ATP2B2: variants seen among roughly 807,000 people sequenced by gnomAD.
ATP2B2 encodes ATPase plasma membrane Ca2+ transporting 2.
A neutral mutation model predicts 120.0 loss-of-function variants in ATP2B2; 15 were observed. The observed-to-expected ratio is 0.12, with a 90% CI of 0.08 to 0.19. The LOEUF is 0.19. ATP2B2 is among the 10% of genes least tolerant of loss of function. The pLI is 1.00. For synonymous variants in ATP2B2, 694 were observed against 700.3 expected, an observed-to-expected ratio of 0.99 and a Z score of 0.14; for missense variants, 1,045 against 1,719.8, an observed-to-expected ratio of 0.61 and a Z score of 6.94.
chr3:10,346,986 C>A lies in ATP2B2; in HGVS notation c.2405-849G>T, dbSNP rs879532085. 6.6e-6 allele frequency among the ~76,000 whole-genome samples: 1 copy of A among 152,040 alleles called. No individual in the cohort carries two copies. The highest frequency in any genetic ancestry group is 1.5e-5 in the Non-Finnish European group (1 of 68,018). On this transcript the variant is annotated intron_variant, in intron 16 of 22. Coordinates refer to ENST00000360273, the MANE Select transcript of ATP2B2 (RefSeq NM_001001331.4). This position sits in a 1 kb window ranked among gnomAD's most constrained non-coding sequence, Gnocchi z 4.1. ...TGTTTCCTCTCACTGACTCTGGACT[C>A]CCCCTCCAACTTGCTTCCCCACAGC...
At chr3:10,479,506 C>T (rs1241362071) in intron 1 of ATP2B2, among the ~76,000 whole-genome samples, 2 of 152,006 alleles carry the variant, frequency 1.3e-5, no homozygotes. Flanking sequence ...GTATTTTAAA[C>T]ATGTTTGTGT....
Position 10,346,251 on chromosome 3 carries a change from TC to T in ATP2B2, c.2405-115del. On this transcript the variant is annotated intron_variant, in intron 16 of 22. Coordinates refer to ENST00000360273, the MANE Select transcript of ATP2B2 (RefSeq NM_001001331.4). This position sits in a 1 kb window ranked among gnomAD's most constrained non-coding sequence, Gnocchi z 4.1. ...GGCATGGCTTCCTCTCTGGTCCCTG[TC>T]CAGCCGCCCCCTCCATCCAGGCTCT... 1.0e-6 allele frequency: 1 copy of T among 984,940 alleles called. No homozygotes were observed. Among genetic ancestry groups the T allele is most frequent in the Non-Finnish European group, 1.6e-6 (1 of 641,506 alleles). 61.0% of individuals were successfully genotyped at this position (984,940 alleles called of 1,614,324 possible). A position where few individuals can be genotyped will look rare whatever the true frequency, so the allele number is the denominator to read the frequency against.
At chr3:10,492,371 CTCT>C (rs1304441742) in intron 1 of ATP2B2, among the ~76,000 whole-genome samples, 1 of 152,180 alleles carries the variant, frequency 6.6e-6, no homozygotes, top group Non-Finnish European at 1.5e-5. Context: ...TCATTAAGGG[CTCT>C]TTAAGCTGGA....
chr3:10,473,213 A>G (rs1476425778), intron 1 of ATP2B2, among the ~76,000 whole-genome samples: 5 of 152,286 alleles, frequency 3.3e-5, no homozygotes, highest in South Asian at 2.1e-4. Flanking sequence ...TCCTACTTCT[A>G]GGTCCCCTTC....
chr3:10,521,303 GC>G (rs1700681908), intron 3 of ATP2B2, among the ~76,000 whole-genome samples: 1 of 152,200 alleles, frequency 6.6e-6, no homozygotes, highest in South Asian at 2.1e-4. Flanking sequence ...CATCAGAGAA[GC>G]CCCCATAAAC....
At chr3:10,389,637 G>A (rs1352197599) in intron 5 of ATP2B2, among the ~76,000 whole-genome samples, 1 of 152,206 alleles carries the variant, frequency 6.6e-6, no homozygotes, top group Non-Finnish European at 1.5e-5. Flanking sequence ...TGGGTGCAGA[G>A]CTTCAGTTTG....
chr3:10,330,075 G>A (rs919167432), intron 22 of ATP2B2, among the ~76,000 whole-genome samples: 1 of 152,188 alleles, frequency 6.6e-6, no homozygotes, highest in African/African-American at 2.4e-5. Context: ...ACCAAAAAAC[G>A]AGGCTGGAAT....
intron 1 of ATP2B2, among the ~76,000 whole-genome samples, chr3:10,652,612 A>G (rs1167462278): frequency 1.3e-5 from 2 of 152,200 alleles, no homozygotes; most frequent in Admixed American, 1.3e-4. Context: ...CTGAGTATAT[A>G]CCAAAAAGAA....
At chr3:10,544,152 G>C (rs2067495738) in intron 2 of ATP2B2, among the ~76,000 whole-genome samples, 1 of 152,050 alleles carries the variant, frequency 6.6e-6, no homozygotes, top group Non-Finnish European at 1.5e-5. Context: ...CTGCCATCAT[G>C]GTCACTATCT....
intron 1 of ATP2B2, among the ~76,000 whole-genome samples, chr3:10,650,836 G>A (rs1437364317): frequency 6.6e-6 from 1 of 152,226 alleles, no homozygotes; most frequent in Non-Finnish European, 1.5e-5. Context: ...GGGGAGCTAT[G>A]CCCTGCAAAG....
intron 2 of ATP2B2, among the ~76,000 whole-genome samples, chr3:10,441,037 G>T (rs1017448008): frequency 6.6e-6 from 1 of 152,192 alleles, no homozygotes; most frequent in Non-Finnish European, 1.5e-5. Flanking sequence ...GTAACTAGTA[G>T]CACAGCTAGA....
intron 2 of ATP2B2, among the ~76,000 whole-genome samples, chr3:10,585,158 G>A (rs535648329): frequency 5.3e-5 from 8 of 152,188 alleles, no homozygotes; most frequent in East Asian, 1.9e-4. Flanking sequence ...CACAGGTCAC[G>A]CCACACCTCT....
At chr3:10,436,544 G>T (rs1367205143) in intron 2 of ATP2B2, among the ~76,000 whole-genome samples, 3 of 152,216 alleles carry the variant, frequency 2.0e-5, no homozygotes, top group Non-Finnish European at 4.4e-5. Flanking sequence ...AGGACCAAAA[G>T]AAGCTTTTGT....
intron 1 of ATP2B2, among the ~76,000 whole-genome samples, chr3:10,501,502 C>G (rs551415451): frequency 6.6e-6 from 1 of 152,130 alleles, no homozygotes; most frequent in Admixed American, 6.5e-5. Flanking sequence ...TCCTGCATAG[C>G]TGGGACGACA....
chr3:10,630,515 T>G (rs544191956), intron 1 of ATP2B2, among the ~76,000 whole-genome samples: 76 of 152,366 alleles, frequency 5.0e-4, no homozygotes, highest in African/African-American at 1.7e-3. Context: ...TTCTTTTTTA[T>G]GGCTTCATAG....
rs933703832 is a variant in ATP2B2 at position 10,328,529 on chromosome 3, A to G, written c.*285T>C. On this transcript the variant is annotated 3_prime_UTR_variant, in exon 23 of 23. Transcript: ENST00000360273. The stretch of plus-strand genomic sequence containing the variant: ...GGCTGGGCGGGTGCATGGCTGGTCC[A>G]TGTCTGGGTGGGAGCCAGGAAGGGC... The G allele has an allele frequency of 1.6e-5, 7 of 444,828 alleles. No individual in the cohort carries two copies. Among genetic ancestry groups the G allele is most frequent in the South Asian group, 8.5e-5 (3 of 35,392 alleles). 27.6% of individuals were successfully genotyped at this position (444,828 alleles called of 1,614,324 possible).
At chr3:10,581,515 C>A (rs1349722068) in intron 2 of ATP2B2, among the ~76,000 whole-genome samples, 1 of 152,142 alleles carries the variant, frequency 6.6e-6, no homozygotes, top group Non-Finnish European at 1.5e-5. Flanking sequence ...CAGAAAGACT[C>A]CAAAAATGAT....
At chr3:10,494,493 C>T (rs1192561045) in intron 1 of ATP2B2, among the ~76,000 whole-genome samples, 1 of 152,174 alleles carries the variant, frequency 6.6e-6, no homozygotes, top group African/African-American at 2.4e-5. Flanking sequence ...AACCACTGCC[C>T]TGTGCCTTCT....
intron 1 of ATP2B2, among the ~76,000 whole-genome samples, chr3:10,644,486 A>G (rs1411237235): frequency 6.6e-6 from 1 of 152,248 alleles, no homozygotes; most frequent in African/African-American, 2.4e-5. Flanking sequence ...GCTGTTCACA[A>G]AAGTCAAAAG....
Sources: allele counts gnomAD v4.1 joint callset (sites outside exome capture counted in the v4.1 genomes callset), GRCh38; gene constraint gnomAD v4.1.1; non-coding constraint Gnocchi (gnomAD v3.1); transcripts MANE v1.5; gene names NCBI Gene and HGNC (gene_info 2026-07-23, HGNC 2026-07-21).